Variants in SLC35E4 observed in about 807,000 individuals in gnomAD.
SLC35E4 encodes solute carrier family 35 member E4, also known as solute carrier family 35, member E4.
SLC35E4 carries 15 observed loss-of-function variants against 19.3 expected under a neutral mutation model. The observed-to-expected ratio is 0.78, with a 90% CI of 0.52 to 1.20. The LOEUF (loss-of-function observed/expected upper bound fraction) is 1.20. Ranked by LOEUF, SLC35E4 falls within the 50% of genes most tolerant of loss-of-function variation. The pLI, the probability that SLC35E4 is intolerant of heterozygous loss-of-function variation, is 0.00. For missense variants in SLC35E4, 406 were observed against 472.3 expected, an observed-to-expected ratio of 0.86 and a Z score of 1.30; for synonymous variants, 219 against 219.9, an observed-to-expected ratio of 1.00 and a Z score of 0.04.
intron 2 of SLC35E4, among the ~76,000 whole-genome samples, chr22:30,653,271 G>GC (rs2088260407): frequency 6.7e-6 from 1 of 149,770 alleles, no homozygotes; most frequent in African/African-American, 2.5e-5. Context: ...TTCGGCTATT[G>GC]GGGGGCCACC....
downstream of SLC35E4, chr22:30,663,859 C>T: frequency 6.2e-7 from 1 of 1,614,226 alleles, no homozygotes; most frequent in South Asian, 1.1e-5. Context: ...ACATTGATGA[C>T]CATGGTGATC....
At chr22:30,646,285 C>T (rs1395278759) in intron 1 of SLC35E4, among the ~76,000 whole-genome samples, 3 of 152,064 alleles carry the variant, frequency 2.0e-5, no homozygotes, top group South Asian at 2.1e-4. Context: ...TTATGTATGC[C>T]GTCTTTTAAA....
intron 2 of SLC35E4, among the ~76,000 whole-genome samples, chr22:30,657,221 G>A (rs947766982): frequency 6.6e-6 from 1 of 151,776 alleles, no homozygotes; most frequent in Non-Finnish European, 1.5e-5. Flanking sequence ...GATCACCTGA[G>A]GTCAGGAGTT....
At position 30,647,255 on chromosome 22, in the gene SLC35E4, G is replaced by T; in HGVS notation, c.*224G>T. 1.7e-6 allele frequency: 1 copy of T among 579,610 alleles called. No homozygotes were observed. Among genetic ancestry groups the T allele is most frequent in the Non-Finnish European group, 3.0e-6 (1 of 334,880 alleles). 35.9% of individuals were successfully genotyped at this position (579,610 alleles called of 1,614,324 possible). On this transcript the variant is annotated 3_prime_UTR_variant, in exon 2 of 2. Transcript: ENST00000343605. ...TCTACTAAAAATAGAAAAATTAGCT[G>T]GGCATGGTGGCGCGTGCCTATAGTC... is the stretch of plus-strand genomic sequence containing the variant.
chr22:30,666,621 C>CAAAAAAAAAAAAAAAAAA (rs55979351), downstream of SLC35E4, among the ~76,000 whole-genome samples: 1 of 62,498 alleles, frequency 1.6e-5, no homozygotes, highest in African/African-American at 7.5e-5. Flanking sequence ...GACTCCATCT[C>CAAAAAAAAAAAAAAAAAA]AAAAAAAAAA....
chr22:30,636,960 C>T lies in SLC35E4; in HGVS notation c.510C>T (p.Leu170=), dbSNP rs1045372395. Residue 170 remains leucine (L), a synonymous_variant, in exon 1 of 2, where the codon CTC becomes CTT. Transcript: ENST00000343605. ...TTCAGTTGGCCGCCATGGGTCCGCT[C>T]TGCCTGGGGGCCGCCTGCAGCCTGG... ...HPLQLAAMGP[L]CLGAACSLAG... is the part of the protein sequence containing the mutation. The T allele has an allele frequency of 3.1e-6, 5 of 1,612,022 alleles. No individual in the cohort carries two copies. Among genetic ancestry groups the T allele is most frequent in the Admixed American group, 3.3e-5 (2 of 59,934 alleles).
chr22:30,640,252 TC>T (rs2088016517), intron 1 of SLC35E4, among the ~76,000 whole-genome samples: 1 of 147,874 alleles, frequency 6.8e-6, no homozygotes, highest in Non-Finnish European at 1.5e-5. Flanking sequence ...CTGCCTGTAA[TC>T]CCCCCTACTC....
chr22:30,649,295 A>G (rs1223563116), downstream of SLC35E4: 1 of 713,276 alleles, frequency 1.4e-6, no homozygotes, highest in Admixed American at 2.0e-5. Flanking sequence ...TGGGGTATTC[A>G]CCCAACCTTT....
chr22:30,657,709 C>A (rs952207383), intron 2 of SLC35E4, among the ~76,000 whole-genome samples: 11 of 151,354 alleles, frequency 7.3e-5, no homozygotes, highest in African/African-American at 2.7e-4. Flanking sequence ...TCGAGACAAT[C>A]CTGGCTAACA....
chr22:30,657,949 A>AATG (rs2088378853), intron 2 of SLC35E4, among the ~76,000 whole-genome samples: 1 of 136,210 alleles, frequency 7.3e-6, no homozygotes, highest in Admixed American at 7.5e-5. Flanking sequence ...TAATAATAAT[A>AATG]ATAATGATTA....
rs1374954684 is a variant in SLC35E4 at position 30,646,997 on chromosome 22, T to C, written c.1019T>C (p.Leu340Pro). 2 of 1,611,492 alleles carry C rather than the reference T, an allele frequency of 1.2e-6. No individual in the cohort carries two copies. Among genetic ancestry groups the C allele is most frequent in the Non-Finnish European group, 1.7e-6 (2 of 1,179,170 alleles). Residue 340 changes from leucine to proline, a missense_variant, in exon 2 of 2, where the codon CTG (leucine) becomes CCG (proline). Coordinates refer to ENST00000343605, the MANE Select transcript of SLC35E4 (RefSeq NM_001001479.4). ...FVASWAARRG[L>P]WRRDQPSKGL Reference sequence around the variant, plus strand: ...GCCTCCTGGGCTGCCCGTCGGGGGCTGTGGCGGAGGGACCAGCCCAGCAAG... The same window carrying C: ...GCCTCCTGGGCTGCCCGTCGGGGGCCGTGGCGGAGGGACCAGCCCAGCAAG...
rs536026480 is a variant in SLC35E4, at chr22:30,642,138, A to G, written c.620-4460A>G. ...GCAATCCTCCCACCTCAGCCTCCCG[A>G]GTAGCTAGGACTATAGGCGTGCCTC... On this transcript the variant is annotated intron_variant, in intron 1 of 1. Coordinates refer to ENST00000343605, the MANE Select transcript of SLC35E4 (RefSeq NM_001001479.4). Among the ~76,000 whole-genome samples, 6 of 151,840 alleles carry G rather than the reference A, an allele frequency of 4.0e-5. 1 individual carries two copies. In the East Asian group the frequency reaches 1.2e-3, roughly 30 times the overall value.
At position 30,636,802 on chromosome 22, in the gene SLC35E4, G is replaced by C. The variant is rs375257605; in HGVS notation, c.352G>C (p.Gly118Arg). ...CRVLLLSLTF[G>R]TSMACGNVGL... ...AGTCCTACTGCTCAGTCTCACCTTT[G>C]GCACGTCCATGGCCTGCGGCAACGT... Residue 118 changes from glycine to arginine, a missense_variant, in exon 1 of 2, where the codon GGC becomes CGC. Transcript: ENST00000343605. The C allele has an allele frequency of 1.3e-5, 21 of 1,612,660 alleles. No individual in the cohort carries two copies. Among genetic ancestry groups the C allele is most frequent in the Non-Finnish European group, 1.8e-5 (21 of 1,179,616 alleles).
In SLC35E4 at chr22:30,636,769, C is replaced by T. The variant is rs753658308; in HGVS notation, c.319C>T (p.Arg107Cys). Residue 107 changes from arginine to cysteine, a missense_variant, in exon 1 of 2, where the codon CGC becomes TGC. Physicochemically the swap from Arg to Cys is radical, Grantham distance 180. Transcript: ENST00000343605. ...ACGGCGCCCCATGCCAGGCGGCACT[C>T]GCTGCCGAGTCCTACTGCTCAGTCT... is the stretch of plus-strand genomic sequence containing the variant. The part of the protein sequence containing the change: ...GARRPMPGGT[R>C]CRVLLLSLTF... 3.1e-6 allele frequency: 5 copies of T among 1,612,014 alleles called. No individual in the cohort carries two copies. Among genetic ancestry groups the T allele is most frequent in the African/African-American group, 1.3e-5 (1 of 74,912 alleles).
chr22:30,642,690 G>A (rs530401885), intron 1 of SLC35E4, among the ~76,000 whole-genome samples: 137 of 132,868 alleles, frequency 1.0e-3, no homozygotes, highest in Middle Eastern at 5.3e-3. Flanking sequence ...GCAGTGAGCC[G>A]AGATATCACA....
chr22:30,654,371 TC>T, intron 2 of SLC35E4: 2 of 463,466 alleles, frequency 4.3e-6, no homozygotes, highest in Non-Finnish European at 8.6e-6. Flanking sequence ...GTCTGGTACT[TC>T]CAGCCAACTT....
chr22:30,642,799 G>A (rs189475079), intron 1 of SLC35E4, among the ~76,000 whole-genome samples: 2 of 151,482 alleles, frequency 1.3e-5, no homozygotes, highest in South Asian at 2.1e-4. Flanking sequence ...GGAGGCCAAG[G>A]TGGGTGGATC....
chr22:30,655,429 C>CAAAA (rs5844917), intron 2 of SLC35E4, among the ~76,000 whole-genome samples: 2 of 111,660 alleles, frequency 1.8e-5, no homozygotes, highest in African/African-American at 3.6e-5. Context: ...GAGATCCTAC[C>CAAAA]AAAAAAAAAA....
chr22:30,644,956 T>C (rs548403633), intron 1 of SLC35E4, among the ~76,000 whole-genome samples: 1 of 148,116 alleles, frequency 6.8e-6, no homozygotes, highest in African/African-American at 2.5e-5. Context: ...TGGATTCATC[T>C]TGACAAGCCA....
Sources: allele counts gnomAD v4.1 joint callset (sites outside exome capture counted in the v4.1 genomes callset), GRCh38; gene constraint gnomAD v4.1.1; transcripts MANE v1.5; gene names NCBI Gene and HGNC (gene_info 2026-07-23, HGNC 2026-07-21).